The following CDKAL1 variants were observed in gnomAD, a reference collection of about 807,000 sequenced individuals.
The protein encoded by CDKAL1 is CDKAL1 threonylcarbamoyladenosine tRNA methylthiotransferase.
CDKAL1 carries 32 observed loss-of-function variants against 68.2 expected under a neutral mutation model. The observed-to-expected ratio is 0.47, with a 90% CI of 0.35 to 0.63. The LOEUF (loss-of-function observed/expected upper bound fraction) is 0.63. CDKAL1 is among the 30% of genes least tolerant of loss of function. The probability of loss-of-function intolerance (pLI) is 0.00; values close to 1 mark genes in which losing one functional copy is unlikely to be tolerated. For missense variants in CDKAL1, 606 were observed against 696.7 expected, an observed-to-expected ratio of 0.87 and a Z score of 1.47; for synonymous variants, 234 against 244.3, an observed-to-expected ratio of 0.96 and a Z score of 0.39.
intron 15 of CDKAL1, among the ~76,000 whole-genome samples, chr6:21,222,566 A>G (rs542484207): frequency 1.2e-4 from 18 of 152,314 alleles, no homozygotes; most frequent in African/African-American, 4.1e-4. Context: ...TTTGGAGATA[A>G]TTGGGTACAG....
At chr6:20,724,335 G>A (rs1772540127) in intron 5 of CDKAL1, among the ~76,000 whole-genome samples, 1 of 152,132 alleles carries the variant, frequency 6.6e-6, no homozygotes, top group Non-Finnish European at 1.5e-5. Context: ...AATGGACTTT[G>A]ATAAAAGATG....
intron 2 of CDKAL1, among the ~76,000 whole-genome samples, chr6:20,543,307 T>C (rs1259298361): frequency 6.6e-6 from 1 of 152,256 alleles, no homozygotes; most frequent in Non-Finnish European, 1.5e-5. Context: ...ATGCAGTTTC[T>C]TTGCATCCTT....
chr6:20,681,933 C>T lies in CDKAL1; in HGVS notation c.371+32556C>T, dbSNP rs527303815. 2.0e-5 allele frequency among the ~76,000 whole-genome samples: 3 copies of T among 152,310 alleles called. No homozygotes were observed. In the South Asian group the frequency reaches 6.2e-4, roughly 32 times the overall value. ...GGGAATTCCAAGAATAAGACGCCAG[C>T]AGATTTGATGTCTAGTGAGAACTCA... On this transcript the variant is annotated intron_variant, in intron 5 of 15. Transcript: ENST00000274695.
At position 20,618,853 on chromosome 6, in the gene CDKAL1, A is replaced by G. The variant is rs182312463; in HGVS notation, c.287-30440A>G. ...GCCACCACACCTACCTAATTTTTGT[A>G]TTTTTTGTGGAGATGAGGTTTTGTC... On this transcript the variant is annotated intron_variant, in intron 4 of 15. Coordinates refer to ENST00000274695, the MANE Select transcript of CDKAL1 (RefSeq NM_017774.3). Among the ~76,000 whole-genome samples the G allele has an allele frequency of 5.3e-3, 802 of 151,868 alleles. 7 individuals are homozygous for G. The highest frequency in any genetic ancestry group is 0.021 in the South Asian group (99 of 4,806).
chr6:20,981,780 G>T (rs1197160168), intron 10 of CDKAL1, among the ~76,000 whole-genome samples: 1 of 152,224 alleles, frequency 6.6e-6, no homozygotes, highest in African/African-American at 2.4e-5. Context: ...GGCAGAGGTT[G>T]CAGTGAGCCA....
intron 5 of CDKAL1, among the ~76,000 whole-genome samples, chr6:20,662,924 A>G (rs1300977732): frequency 2.0e-5 from 3 of 152,150 alleles, no homozygotes; most frequent in African/African-American, 7.2e-5. Flanking sequence ...TATTTTTCGT[A>G]CATATTGCAA....
intron 5 of CDKAL1, 30 bp downstream of exon 5, chr6:20,649,407 G>A (rs1419593868): frequency 4.7e-6 from 6 of 1,272,892 alleles, no homozygotes; most frequent in Non-Finnish European, 6.7e-6. Flanking sequence ...TTCCTATTTT[G>A]TATAATCAAA....
intron 9 of CDKAL1, among the ~76,000 whole-genome samples, chr6:20,915,268 A>G (rs1050319433): frequency 1.1e-4 from 16 of 152,082 alleles, no homozygotes; most frequent in Non-Finnish European, 2.1e-4. Flanking sequence ...AGATCTTCAG[A>G]GCAACAGAAC....
intron 10 of CDKAL1, among the ~76,000 whole-genome samples, chr6:20,985,250 C>T (rs139854358): frequency 1.9e-4 from 29 of 152,216 alleles, no homozygotes; most frequent in Middle Eastern, 3.4e-3. Context: ...AAAAGCCTCT[C>T]TTCTAGCTAT....
intron 5 of CDKAL1, among the ~76,000 whole-genome samples, chr6:20,676,698 TAAA>T (rs1770126399): frequency 1.2e-5 from 1 of 80,752 alleles, no homozygotes; most frequent in South Asian, 3.4e-4. Flanking sequence ...AATAAATAAA[TAAA>T]TAAAATAAAA....
intron 10 of CDKAL1, among the ~76,000 whole-genome samples, chr6:20,964,143 A>T (rs191712806): frequency 3.9e-4 from 59 of 152,346 alleles, no homozygotes; most frequent in Non-Finnish European, 6.8e-4. Context: ...GGCTATTATT[A>T]AAAAGTCAAA....
At chr6:21,152,269 T>A (rs1161801161) in intron 13 of CDKAL1, among the ~76,000 whole-genome samples, 1 of 152,196 alleles carries the variant, frequency 6.6e-6, no homozygotes, top group Admixed American at 6.5e-5. Context: ...CCCAGTAGTC[T>A]CTGTCTTCCT....
At chr6:20,612,294 G>A (rs1766652647) in intron 4 of CDKAL1, among the ~76,000 whole-genome samples, 1 of 152,090 alleles carries the variant, frequency 6.6e-6, no homozygotes, top group African/African-American at 2.4e-5. Context: ...GGATCATATG[G>A]TAGTTCTATT....
At chr6:20,980,919 C>G (rs1295950424) in intron 10 of CDKAL1, among the ~76,000 whole-genome samples, 1 of 152,200 alleles carries the variant, frequency 6.6e-6, no homozygotes. Flanking sequence ...CATTTGAAGA[C>G]TCAGACTTAC....
At chr6:21,093,694 C>CTTTTTTTTTTTTTTTTTTTTTTT (rs547923386) in intron 12 of CDKAL1, among the ~76,000 whole-genome samples, 1 of 88,086 alleles carries the variant, frequency 1.1e-5, no homozygotes, top group Non-Finnish European at 2.2e-5. Flanking sequence ...GCTGCTGCTG[C>CTTTTTTTTTTTTTTTTTTTTTTT]TTTTTTTTTT....
At chr6:21,164,031 C>T (rs1451616964) in intron 13 of CDKAL1, among the ~76,000 whole-genome samples, 1 of 151,988 alleles carries the variant, frequency 6.6e-6, no homozygotes, top group African/African-American at 2.4e-5. Context: ...AGCATTGCCC[C>T]TCTACCTAGC....
chr6:20,723,388 G>T (rs984833421), intron 5 of CDKAL1, among the ~76,000 whole-genome samples: 1 of 152,280 alleles, frequency 6.6e-6, no homozygotes, highest in Non-Finnish European at 1.5e-5. Context: ...CGACATGCCT[G>T]GTCTGGCTGT....
chr6:20,701,066 G>A (rs1771332195), intron 5 of CDKAL1, among the ~76,000 whole-genome samples: 1 of 151,946 alleles, frequency 6.6e-6, no homozygotes, highest in South Asian at 2.1e-4. Context: ...ACAAAATTTC[G>A]ATGAGATTTT....
chr6:21,168,356 C>G (rs1777235039), intron 13 of CDKAL1, among the ~76,000 whole-genome samples: 1 of 152,142 alleles, frequency 6.6e-6, no homozygotes, highest in Non-Finnish European at 1.5e-5. Context: ...GGATCATTTT[C>G]AGGTTCCTAA....
Sources: gnomAD v4.1 joint callset for allele counts (sites outside exome capture counted in the v4.1 genomes callset) on GRCh38, gnomAD v4.1.1 for gene constraint, MANE v1.5 for transcripts, NCBI Gene and HGNC (gene_info 2026-07-23, HGNC 2026-07-21) for gene names.